CDHR3: variants seen among roughly 807,000 people sequenced by gnomAD.
CDHR3 encodes the protein cadherin related family member 3, also known as cadherin-related family member 3.
CDHR3 carries 79 observed loss-of-function variants against 86.6 expected under a neutral mutation model. That is an observed-to-expected ratio of 0.91 (90% CI 0.76 to 1.10). The LOEUF (loss-of-function observed/expected upper bound fraction) is 1.10. Among genes scored for constraint, CDHR3 ranks in the 50% least tolerant of loss-of-function variants. CDHR3 has a pLI of 0.00. For missense variants in CDHR3, 1,081 were observed against 1,077.6 expected, an observed-to-expected ratio of 1.00 and a Z score of -0.04; for synonymous variants, 421 against 402.4, an observed-to-expected ratio of 1.05 and a Z score of -0.55.
chr7:105,985,141 T>A lies in CDHR3; in HGVS notation c.513+852T>A, dbSNP rs75414084. 7.1e-3 allele frequency among the ~76,000 whole-genome samples: 1,081 copies of A among 152,170 alleles called. 6 individuals are homozygous for A. The highest frequency in any genetic ancestry group is 0.014 in the Middle Eastern group (4 of 292). On this transcript the variant is annotated intron_variant, in intron 4 of 18. Transcript: ENST00000317716. The stretch of plus-strand genomic sequence containing the variant: ...TTGGGTCCTGGGAATTGCCTCATGA[T>A]TCAGTCTGAGACAGCGGATGTCTCT...
At chr7:106,025,031 G>A (rs563536380) in intron 15 of CDHR3, among the ~76,000 whole-genome samples, 1 of 152,276 alleles carries the variant, frequency 6.6e-6, no homozygotes, top group East Asian at 1.9e-4. Context: ...ATAATTCTTG[G>A]TGTTTTGCTT....
At chr7:105,989,213 C>CG (rs1830975668) in intron 4 of CDHR3, among the ~76,000 whole-genome samples, 1 of 74,730 alleles carries the variant, frequency 1.3e-5, no homozygotes, top group Non-Finnish European at 2.5e-5. Flanking sequence ...TCTTTGGGTA[C>CG]CCACCCCCCC....
rs772911312 is a variant in CDHR3 at position 106,015,920 on chromosome 7, T to C, written c.1328-7T>C. The C allele has an allele frequency of 6.3e-7, 1 of 1,586,920 alleles. No homozygotes were observed. Among genetic ancestry groups the C allele is most frequent in the Non-Finnish European group, 8.6e-7 (1 of 1,157,120 alleles). ...GTGATTAAATGTGTTTCTATTTCCA[T>C]TTTTAGATAACGTCTACGTTTATAT... On this transcript the variant is annotated splice_region_variant and splice_polypyrimidine_tract_variant and intron_variant, in intron 10 of 18. Transcript: ENST00000317716.
intron 15 of CDHR3, among the ~76,000 whole-genome samples, chr7:106,025,914 A>G (rs1046971378): frequency 1.3e-5 from 2 of 152,182 alleles, no homozygotes; most frequent in African/African-American, 4.8e-5. Context: ...GCTTGTAAGG[A>G]TGGTGGTGTA....
At chr7:106,023,370 A>G (rs1345645425) in intron 14 of CDHR3, among the ~76,000 whole-genome samples, 1 of 152,256 alleles carries the variant, frequency 6.6e-6, no homozygotes, top group Non-Finnish European at 1.5e-5. Flanking sequence ...TCAAATTGAC[A>G]AAGTAAATAC....
At chr7:105,990,170 G>T (rs1308890955) in intron 4 of CDHR3, among the ~76,000 whole-genome samples, 3 of 152,300 alleles carry the variant, frequency 2.0e-5, no homozygotes, top group Middle Eastern at 3.4e-3. Flanking sequence ...TATGGAAAAA[G>T]AATGACAGAA....
intron 1 of CDHR3, among the ~76,000 whole-genome samples, chr7:105,968,559 C>T (rs371957510): frequency 2.6e-4 from 39 of 152,128 alleles, no homozygotes; most frequent in African/African-American, 9.2e-4. Context: ...TGGGGTTTCA[C>T]CATGTCGGCC....
chr7:105,987,113 C>T (rs958049780), intron 4 of CDHR3, among the ~76,000 whole-genome samples: 1 of 152,180 alleles, frequency 6.6e-6, no homozygotes, highest in South Asian at 2.1e-4. Flanking sequence ...TTTAAAAACA[C>T]CTCCTAGATC....
chr7:105,980,619 T>TTTA (rs1829559965), intron 2 of CDHR3, among the ~76,000 whole-genome samples: 1 of 84,938 alleles, frequency 1.2e-5, no homozygotes, highest in Non-Finnish European at 2.3e-5. Context: ...TTTTTTTTTT[T>TTTA]TTAATTTTTT....
intron 14 of CDHR3, among the ~76,000 whole-genome samples, chr7:106,023,547 TTCC>T (rs915716011): frequency 1.6e-4 from 24 of 151,798 alleles, no homozygotes; most frequent in African/African-American, 2.9e-4. Flanking sequence ...CCTCCTCCTC[TTCC>T]TCCTCCTCCT....
intron 13 of CDHR3, among the ~76,000 whole-genome samples, chr7:106,021,918 A>T (rs990420798): frequency 4.6e-5 from 7 of 152,330 alleles, no homozygotes; most frequent in Non-Finnish European, 1.0e-4. Context: ...ACTCAGCAAG[A>T]TGGCACCTAG....
At position 106,032,640 on chromosome 7, in the gene CDHR3, G is replaced by A. The variant is rs1838560222; in HGVS notation, c.2601G>A (p.Lys867=). 1 of 1,613,792 alleles carries A rather than the reference G, an allele frequency of 6.2e-7. No individual in the cohort carries two copies. Among genetic ancestry groups the A allele is most frequent in the Non-Finnish European group, 8.5e-7 (1 of 1,179,816 alleles). Reference sequence around the variant, plus strand: ...AGGGTGGCAAGCTGGGCAACCCAAAGAACAGAAATCCAGCCTTCATGAACA... The same window carrying A: ...AGGGTGGCAAGCTGGGCAACCCAAAAAACAGAAATCCAGCCTTCATGAACA... ...RNEGGKLGNP[K]NRNPAFMNRA... Residue 867 remains lysine, a synonymous_variant, in exon 19 of 19, where the codon AAG becomes AAA. Coordinates refer to ENST00000317716, the MANE Select transcript of CDHR3 (RefSeq NM_152750.5).
rs34426483 is a variant in CDHR3, at chr7:105,974,980, G to C, written c.183G>C (p.Gln61His). 0.2 allele frequency: 315,372 copies of C among 1,612,324 alleles called. 32,587 individuals carry two copies. The highest frequency in any genetic ancestry group is 0.25 in the East Asian group (11,260 of 44,852). Residue 61 changes from glutamine to histidine, a missense_variant, in exon 2 of 19, where the codon CAG (glutamine) becomes CAC (histidine). Gln to His is a conservative substitution (Grantham distance 24). Transcript: ENST00000317716. ...SLSPVIPGFP[Q>H]IVNSNPLTEA... ...CACCTGTGATCCCAGGATTTCCCCA[G>C]ATAGTCAACTCAAATCCCCTCACTG...
chr7:106,030,795 A>G lies in CDHR3; in HGVS notation c.2308A>G (p.Thr770Ala), dbSNP rs1232265824. ...GCTGTCTCTGTCTTCTCCTTAGGAA[A>G]CTATCCAGATGAACACTATCTTTGA... ...KTAERDVVVE[T>A]IQMNTIFDGE... is the part of the protein sequence containing the mutation. The change falls in exon 18 of 19, where the codon ACT becomes GCT. Residue 770 changes from threonine to alanine, a missense_variant. Transcript: ENST00000317716. This position sits in a 1 kb window ranked among gnomAD's most constrained non-coding sequence, Gnocchi z 4.8. The G allele has an allele frequency of 1.2e-6, 2 of 1,611,078 alleles. No homozygotes were observed. Among genetic ancestry groups the G allele is most frequent in the Non-Finnish European group, 8.5e-7 (1 of 1,178,650 alleles).
chr7:105,989,373 C>T (rs1831017887), intron 4 of CDHR3, among the ~76,000 whole-genome samples: 1 of 151,732 alleles, frequency 6.6e-6, no homozygotes, highest in South Asian at 2.1e-4. Flanking sequence ...ATCAATCTCT[C>T]AGCTGGAGGC....
rs1381973159 is a variant in CDHR3, at chr7:105,992,022, T to G, written c.514-2729T>G. On this transcript the variant is annotated intron_variant, in intron 4 of 18. Transcript: ENST00000317716. ...AAACTTAATTTATTACCCTAATTTG[T>G]GACTCTTGTATTCCAGATGAGTCTA... Among the ~76,000 whole-genome samples, 3 of 152,228 alleles carry G rather than the reference T, an allele frequency of 2.0e-5. No homozygotes were observed. The East Asian group carries it at 5.8e-4, about 29-fold the overall frequency.
intron 5 of CDHR3, 92 bp downstream of exon 5, chr7:105,994,937 T>TG: frequency 2.0e-6 from 2 of 1,010,256 alleles, no homozygotes; most frequent in Non-Finnish European, 3.0e-6. Flanking sequence ...TGAGGGCAGC[T>TG]GGGGGGAGCC....
In CDHR3 at chr7:106,032,862, G is replaced by T; in HGVS notation, c.*165G>T. ...ACAAATTTTTAAACAAATAGAAAGG[G>T]GTTTGATCACATAGTTGCGTGTTCT... On this transcript the variant is annotated 3_prime_UTR_variant, in exon 19 of 19. Coordinates refer to ENST00000317716, the MANE Select transcript of CDHR3 (RefSeq NM_152750.5). 3.2e-6 allele frequency: 2 copies of T among 632,544 alleles called. No homozygotes were observed. Among genetic ancestry groups the T allele is most frequent in the Non-Finnish European group, 2.7e-6 (1 of 372,558 alleles). 39.2% of individuals were successfully genotyped at this position (632,544 alleles called of 1,614,324 possible). A position where few individuals can be genotyped will look rare whatever the true frequency, so the allele number is the denominator to read the frequency against.
chr7:105,971,001 C>T (rs1827865160), intron 1 of CDHR3, among the ~76,000 whole-genome samples: 2 of 152,066 alleles, frequency 1.3e-5, no homozygotes, highest in Non-Finnish European at 2.9e-5. Flanking sequence ...AATAGCCAGG[C>T]ATGGTGGCAG....
Sources: gnomAD v4.1 joint callset for allele counts (sites outside exome capture counted in the v4.1 genomes callset) on GRCh38, gnomAD v4.1.1 for gene constraint, Gnocchi (gnomAD v3.1) non-coding constraint, MANE v1.5 for transcripts, NCBI Gene and HGNC (gene_info 2026-07-23, HGNC 2026-07-21) for gene names.